Variants in SLC23A2 observed in about 807,000 individuals in gnomAD.
SLC23A2 encodes solute carrier family 23 member 2.
In SLC23A2, 36 loss-of-function variants were observed where a neutral mutation model predicts 73.3. The ratio of observed to expected loss-of-function variants is 0.49; its 90% CI spans 0.38 to 0.65. The LOEUF (loss-of-function observed/expected upper bound fraction) is 0.65. Among genes scored for constraint, SLC23A2 ranks in the 30% least tolerant of loss-of-function variants. The pLI is 0.00. For missense variants in SLC23A2, 507 were observed against 841.6 expected, an observed-to-expected ratio of 0.60 and a Z score of 4.92; for synonymous variants, 343 against 327.3, an observed-to-expected ratio of 1.05 and a Z score of -0.52.
chr20:4,852,424 C>G lies in SLC23A2; in HGVS notation c.*4548G>C, dbSNP rs547277380. ...AATACAGAATAAAATAGCTTTATCTCTACTATTATTCACAACATCTGGTCC... is the reference window on the plus strand; with the variant it reads ...AATACAGAATAAAATAGCTTTATCTGTACTATTATTCACAACATCTGGTCC... On this transcript the variant is annotated 3_prime_UTR_variant, in exon 17 of 17. Coordinates refer to ENST00000338244, the MANE Select transcript of SLC23A2 (RefSeq NM_005116.6). This position sits in a 1 kb window ranked among gnomAD's most constrained non-coding sequence, Gnocchi z 4.3. 4 of 152,702 alleles carry G rather than the reference C, an allele frequency of 2.6e-5. No individual in the cohort carries two copies. The East Asian group carries it at 7.7e-4, about 29-fold the overall frequency. 9.5% of individuals were successfully genotyped at this position (152,702 alleles called of 1,614,324 possible).
intron 2 of SLC23A2, among the ~76,000 whole-genome samples, chr20:4,954,698 C>CAAAAAAAAAAA (rs200579910): frequency 5.4e-5 from 3 of 55,078 alleles, no homozygotes; most frequent in African/African-American, 1.1e-4. Context: ...GACTCCATCA[C>CAAAAAAAAAAA]AAAAAAAAAA....
At chr20:4,923,199 G>A (rs993481290) in intron 3 of SLC23A2, among the ~76,000 whole-genome samples, 1 of 141,936 alleles carries the variant, frequency 7.0e-6, no homozygotes, top group Non-Finnish European at 1.5e-5. Context: ...TTGAGCCCAG[G>A]AGTTCGAGAC....
intron 2 of SLC23A2, among the ~76,000 whole-genome samples, chr20:4,962,464 C>T (rs1436100365): frequency 2.6e-5 from 4 of 152,186 alleles, no homozygotes; most frequent in Non-Finnish European, 4.4e-5. Flanking sequence ...GGAATGAGAG[C>T]TAGGGAGGAC....
At position 4,857,972 on chromosome 20, in the gene SLC23A2, C is replaced by T. The variant is rs182781810; in HGVS notation, c.1721-768G>A. Among the ~76,000 whole-genome samples, 725 of 151,950 alleles carry T rather than the reference C, an allele frequency of 4.8e-3. 2 individuals are homozygous for T. The highest frequency in any genetic ancestry group is 7.2e-3 in the Non-Finnish European group (492 of 67,914). ...AAAACAAAACAAACAACAAAACACA[C>T]AAAACAAACTCTGTAAAATGTAAAT... is the stretch of plus-strand genomic sequence containing the variant. On this transcript the variant is annotated intron_variant, in intron 16 of 16. Transcript: ENST00000338244. This position sits in a 1 kb window ranked among gnomAD's most constrained non-coding sequence, Gnocchi z 4.0.
At chr20:4,908,657 G>A (rs767518434) in intron 4 of SLC23A2, among the ~76,000 whole-genome samples, 13 of 152,198 alleles carry the variant, frequency 8.5e-5, no homozygotes, top group Non-Finnish European at 1.8e-4. Flanking sequence ...GACCGGGTGT[G>A]GTGGCTCATG....
intron 1 of SLC23A2, among the ~76,000 whole-genome samples, chr20:4,985,136 CAAAA>C (rs56246524): frequency 5.8e-5 from 6 of 104,012 alleles, no homozygotes; most frequent in Non-Finnish European, 6.0e-5. Context: ...ACTCCGTCTC[CAAAA>C]AAAAAAAAAA....
intron 11 of SLC23A2, among the ~76,000 whole-genome samples, chr20:4,873,033 G>T (rs1161646741): frequency 6.6e-6 from 1 of 152,194 alleles, no homozygotes; most frequent in Non-Finnish European, 1.5e-5. Context: ...GGGGTTACAG[G>T]CATGTCCCGC....
intron 2 of SLC23A2, among the ~76,000 whole-genome samples, chr20:4,941,084 A>C (rs919790547): frequency 3.3e-5 from 5 of 152,040 alleles, no homozygotes; most frequent in Non-Finnish European, 1.5e-5. Context: ...TGAACCCAGG[A>C]GGCGGAGGTT....
chr20:4,970,044 G>C (rs1012673739), intron 2 of SLC23A2, among the ~76,000 whole-genome samples: 1 of 152,116 alleles, frequency 6.6e-6, no homozygotes, highest in Non-Finnish European at 1.5e-5. Context: ...TTAAACTGCA[G>C]AGAATGCTTG....
intron 1 of SLC23A2, among the ~76,000 whole-genome samples, chr20:5,007,582 G>T (rs1326445131): frequency 6.6e-6 from 1 of 152,058 alleles, no homozygotes; most frequent in Non-Finnish European, 1.5e-5. Context: ...CAATTTGGTG[G>T]TTTTCAGTAT....
intron 11 of SLC23A2, among the ~76,000 whole-genome samples, chr20:4,873,162 A>G (rs1323010413): frequency 6.6e-6 from 1 of 152,190 alleles, no homozygotes; most frequent in Non-Finnish European, 1.5e-5. Flanking sequence ...CCCAACCTTA[A>G]AATTCTTGGC....
intron 13 of SLC23A2, 119 bp downstream of exon 13, chr20:4,867,651 A>C: frequency 3.7e-5 from 15 of 403,908 alleles, no homozygotes; most frequent in East Asian, 4.8e-5. Context: ...AAAAAAAAGG[A>C]GAGAAGTAAT....
chr20:4,972,351 CT>C lies in SLC23A2; in HGVS notation c.-281-1433del, dbSNP rs766605621. On this transcript the variant is annotated intron_variant, in intron 1 of 16. Coordinates refer to ENST00000338244, the MANE Select transcript of SLC23A2 (RefSeq NM_005116.6). ...AGCCTTCAAGGAACCATTAATGAGT[CT>C]TTTTTTTTTTTTTAATTTTGGAAAC... Among the ~76,000 whole-genome samples the C allele has an allele frequency of 9.0e-3, 1,242 of 137,460 alleles. 6 individuals are homozygous for C. Among genetic ancestry groups the C allele is most frequent in the African/African-American group, 0.017 (631 of 37,522 alleles). 90.2% of individuals were successfully genotyped at this position (137,460 alleles called of 152,430 possible). A position where few individuals can be genotyped will look rare whatever the true frequency, so the allele number is the denominator to read the frequency against.
rs532465169 is a variant in SLC23A2 at position 4,998,136 on chromosome 20, C to T, written c.-282+3270G>A. On this transcript the variant is annotated intron_variant, in intron 1 of 16. Transcript: ENST00000338244. The surrounding 1 kb of genome is among the most constrained non-coding windows in gnomAD (Gnocchi z 4.1). ...ATGGCAGTGTTAGCAGACTCATATACCTTCCTCCCTGTCTACCCTTCCAAA... is the reference window on the plus strand; with the variant it reads ...ATGGCAGTGTTAGCAGACTCATATATCTTCCTCCCTGTCTACCCTTCCAAA... 6.6e-6 allele frequency among the ~76,000 whole-genome samples: 1 copy of T among 152,270 alleles called. No individual in the cohort carries two copies. Among genetic ancestry groups the T allele is most frequent in the East Asian group, 1.9e-4 (1 of 5,176 alleles).
intron 3 of SLC23A2, among the ~76,000 whole-genome samples, chr20:4,929,241 G>A (rs1443250780): frequency 6.6e-6 from 1 of 151,486 alleles, no homozygotes; most frequent in African/African-American, 2.4e-5. Context: ...ACTCCAGCCT[G>A]GGCAACAGAA....
At position 4,914,859 on chromosome 20, in the gene SLC23A2, G is replaced by A. The variant is rs188395183; in HGVS notation, c.109-1881C>T. Among the ~76,000 whole-genome samples, 834 of 152,246 alleles carry A rather than the reference G, an allele frequency of 5.5e-3. 8 individuals carry two copies. The highest frequency in any genetic ancestry group is 0.019 in the African/African-American group (780 of 41,536). On this transcript the variant is annotated intron_variant, in intron 3 of 16. Transcript: ENST00000338244. ...AGTTCGAGACCAGCTGGCCAACACAGTGAAACCCCGTCTCTACTAAAAATA... is the reference window on the plus strand; with the variant it reads ...AGTTCGAGACCAGCTGGCCAACACAATGAAACCCCGTCTCTACTAAAAATA...
chr20:4,858,149 T>C (rs1330018081), intron 16 of SLC23A2, among the ~76,000 whole-genome samples: 1 of 152,178 alleles, frequency 6.6e-6, no homozygotes, highest in East Asian at 1.9e-4. Flanking sequence ...CTTTGCTCCA[T>C]TTTAGCGTGT....
intron 13 of SLC23A2, among the ~76,000 whole-genome samples, chr20:4,866,822 C>A (rs1423222012): frequency 6.6e-6 from 1 of 152,130 alleles, no homozygotes; most frequent in African/African-American, 2.4e-5. Context: ...CAGAGGTCAA[C>A]CAGTTCTAGA....
chr20:4,912,754 G>A (rs1441076075), intron 4 of SLC23A2, 126 bp downstream of exon 4: 1 of 691,440 alleles, frequency 1.4e-6, no homozygotes, highest in Non-Finnish European at 2.6e-6. Flanking sequence ...CCCCTTGGGA[G>A]TCAGAGACCA....
Sources: allele counts gnomAD v4.1 joint callset (sites outside exome capture counted in the v4.1 genomes callset), GRCh38; gene constraint gnomAD v4.1.1; non-coding constraint Gnocchi (gnomAD v3.1); transcripts MANE v1.5; gene names NCBI Gene and HGNC (gene_info 2026-07-23, HGNC 2026-07-21).